PHLPP1: variants seen among roughly 807,000 people sequenced by gnomAD.
PHLPP1 encodes the protein PH domain leucine-rich repeat-containing protein phosphatase 1.
A neutral mutation model predicts 117.2 loss-of-function variants in PHLPP1; 42 were observed. The ratio of observed to expected loss-of-function variants is 0.36; its 90% confidence interval spans 0.28 to 0.46. The LOEUF (loss-of-function observed/expected upper bound fraction) is 0.46, where lower values mean the gene tolerates loss of function less well. Ranked by LOEUF, PHLPP1 falls within the 20% of genes least tolerant of loss-of-function variation. The pLI is 1.00. For missense variants in PHLPP1, 2,084 were observed against 2,241.9 expected (o/e 0.93, Z 1.42); for synonymous variants, 1,042 against 970.7 (o/e 1.07, Z -1.37).
At chr18:62,889,141 T>C (rs1185733290) in intron 4 of PHLPP1, among the ~76,000 whole-genome samples, 1 of 152,206 alleles carries the variant, frequency 6.6e-6, no homozygotes, top group East Asian at 1.9e-4. Context: ...GATCAAGAAC[T>C]TAAGTTCTCA....
intron 12 of PHLPP1, among the ~76,000 whole-genome samples, chr18:62,949,528 T>G (rs775764562): frequency 6.6e-5 from 10 of 152,234 alleles, no homozygotes; most frequent in Non-Finnish European, 1.5e-4. Flanking sequence ...ATAGGGAGGT[T>G]ATGTAAGTTA....
Position 62,978,583 on chromosome 18 carries a change from G to A in PHLPP1, c.4306G>A (p.Ala1436Thr), listed in dbSNP as rs745618348. Residue 1436 changes from alanine to threonine, a missense_variant, in exon 17 of 17, where the codon GCC (alanine) becomes ACC (threonine). Ala to Thr is a moderately conservative substitution (Grantham distance 58). Around this residue, in one of 2 missense-constraint regions of PHLPP1, gnomAD observed 1,365 missense variants for 1,605.9 expected, o/e 0.85. Coordinates refer to ENST00000262719, the MANE Select transcript of PHLPP1 (RefSeq NM_194449.4). This position sits in a 1 kb window ranked among gnomAD's most constrained non-coding sequence, Gnocchi z 7.0. Reference sequence around the variant, plus strand: ...CAGCTTCTGCTGCTGCGAGCTCAGCGCCGGTGGGGCTGTGCCACCACCCAG... The same window carrying A: ...CAGCTTCTGCTGCTGCGAGCTCAGCACCGGTGGGGCTGTGCCACCACCCAG... ...EDSFCCCELS[A>T]GGAVPPPSPG... 1.8e-5 allele frequency: 29 copies of A among 1,613,088 alleles called. No homozygotes were observed. Among genetic ancestry groups the A allele is most frequent in the East Asian group, 6.7e-5 (3 of 44,882 alleles).
chr18:62,887,302 G>A (rs975963972), intron 4 of PHLPP1, among the ~76,000 whole-genome samples: 1 of 151,996 alleles, frequency 6.6e-6, no homozygotes, highest in Non-Finnish European at 1.5e-5. Context: ...TATGAGCTTG[G>A]AAAATTAAAG....
rs12957017 is a variant in PHLPP1 at position 62,716,749 on chromosome 18, G to A, written c.1066G>A (p.Ala356Thr). The A allele has an allele frequency of 0.049, 73,897 of 1,517,582 alleles. 2,072 individuals carry two copies. Among genetic ancestry groups the A allele is most frequent in the Non-Finnish European group, 0.057 (65,193 of 1,138,226 alleles). The allele number at this position is 1,517,582 out of a possible 1,614,324, so 94.0% of individuals were successfully genotyped here. A position where few individuals can be genotyped will look rare whatever the true frequency, so the allele number is the denominator to read the frequency against. The stretch of plus-strand genomic sequence containing the variant: ...CGAGAGCTTCAGTCTGAGTCCCAGC[G>A]CCGAGAGCGTGTCTGACCGGTTGGA... ...DTESFSLSPS[A>T]ESVSDRLDPY... Residue 356 changes from alanine to threonine, a missense_variant, in exon 1 of 17, where the codon GCC becomes ACC. By Grantham distance (58) the Ala-to-Thr change is moderately conservative. Transcript: ENST00000262719. This position sits in a 1 kb window ranked among gnomAD's most constrained non-coding sequence, Gnocchi z 5.7.
chr18:62,793,982 A>G (rs537325208), intron 1 of PHLPP1, among the ~76,000 whole-genome samples: 13 of 152,330 alleles, frequency 8.5e-5, no homozygotes, highest in Non-Finnish European at 1.6e-4. Context: ...TGCTATCCAC[A>G]TATATAGTGA....
chr18:62,924,681 A>G (rs77852540), intron 10 of PHLPP1, among the ~76,000 whole-genome samples: 1 of 146,124 alleles, frequency 6.8e-6, no homozygotes, highest in Non-Finnish European at 1.5e-5. Flanking sequence ...AAATTGAAAA[A>G]AAAAAAAAAA....
At chr18:62,880,067 G>A (rs1245430551) in intron 4 of PHLPP1, among the ~76,000 whole-genome samples, 1 of 152,000 alleles carries the variant, frequency 6.6e-6, no homozygotes, top group Non-Finnish European at 1.5e-5. Flanking sequence ...GTTCCTGGAG[G>A]GTGAAAACCA....
intron 1 of PHLPP1, among the ~76,000 whole-genome samples, chr18:62,795,874 T>A (rs1913617383): frequency 6.6e-6 from 1 of 152,244 alleles, no homozygotes. Flanking sequence ...GCTAGTTTGC[T>A]GCTTCGAGTC....
chr18:62,941,052 T>G (rs745986610), intron 10 of PHLPP1, among the ~76,000 whole-genome samples: 6 of 152,218 alleles, frequency 3.9e-5, no homozygotes, highest in Non-Finnish European at 7.3e-5. Flanking sequence ...TTTGTGAGAT[T>G]CATCCTGTTG....
chr18:62,951,327 CA>C (rs1287854799), intron 12 of PHLPP1, among the ~76,000 whole-genome samples: 2 of 152,188 alleles, frequency 1.3e-5, no homozygotes, highest in African/African-American at 4.8e-5. Context: ...CTGGTTTCAG[CA>C]GATCTTTCTA....
At chr18:62,897,926 T>C (rs964207470) in intron 6 of PHLPP1, among the ~76,000 whole-genome samples, 8 of 138,708 alleles carry the variant, frequency 5.8e-5, no homozygotes, top group Non-Finnish European at 1.3e-4. Context: ...ATGGAAATGG[T>C]ACATCAGATT....
intron 14 of PHLPP1, among the ~76,000 whole-genome samples, chr18:62,964,862 A>G (rs187392724): frequency 6.6e-6 from 1 of 152,350 alleles, no homozygotes; most frequent in Non-Finnish European, 1.5e-5. Context: ...AATATCTAAT[A>G]TCTACTCGTG....
At chr18:62,939,752 G>A (rs1322482659) in intron 10 of PHLPP1, among the ~76,000 whole-genome samples, 4 of 151,982 alleles carry the variant, frequency 2.6e-5, no homozygotes, top group African/African-American at 9.7e-5. Context: ...GTGTGTTGAA[G>A]GGGTTGTACA....
intron 15 of PHLPP1, 113 bp downstream of exon 15, chr18:62,972,821 T>C: frequency 2.5e-6 from 2 of 796,584 alleles, no homozygotes; most frequent in Non-Finnish European, 4.0e-6. Flanking sequence ...TTTTTGACTA[T>C]GAGTACCAAG....
intron 14 of PHLPP1, among the ~76,000 whole-genome samples, chr18:62,967,372 A>G (rs2144485986): frequency 6.6e-6 from 1 of 152,320 alleles, no homozygotes; most frequent in South Asian, 2.1e-4. Flanking sequence ...AGCAATGTCT[A>G]AGAGTTCCAG....
Position 62,978,464 on chromosome 18 carries a change from T to G in PHLPP1, c.4187T>G (p.Leu1396Arg). The G allele has an allele frequency of 1.9e-6, 3 of 1,610,110 alleles. No individual in the cohort carries two copies. Among genetic ancestry groups the G allele is most frequent in the Non-Finnish European group, 2.5e-6 (3 of 1,178,228 alleles). ...VEAVRNVPDA[L>R]AAAKKLCTLA... is the part of the protein sequence containing the mutation. ...GCCGTGCGCAACGTGCCCGATGCCC[T>G]GGCTGCTGCCAAGAAGCTGTGTACC... is the stretch of plus-strand genomic sequence containing the variant. The change falls in exon 17 of 17, where the codon CTG becomes CGG. Residue 1396 changes from leucine to arginine, a missense_variant. By Grantham distance (102) the Leu-to-Arg change is moderately radical. This residue lies in a region of PHLPP1 where 1,365 missense variants were observed against 1,605.9 expected (regional missense o/e 0.85). Transcript: ENST00000262719. The surrounding 1 kb of genome is among the most constrained non-coding windows in gnomAD (Gnocchi z 7.0).
rs1286116043 is a variant in PHLPP1 at position 62,747,743 on chromosome 18, C to T, written c.1576+30484C>T. On this transcript the variant is annotated intron_variant, in intron 1 of 16. Coordinates refer to ENST00000262719, the MANE Select transcript of PHLPP1 (RefSeq NM_194449.4). ...CTCTGTTGCCTAAGCTGGTTTTGAA[C>T]TCCTGGGCTCAAGTGATCCTCTCGC... Among the ~76,000 whole-genome samples the T allele has an allele frequency of 2.0e-5, 3 of 152,278 alleles. No individual in the cohort carries two copies. The South Asian group carries it at 6.2e-4, about 32-fold the overall frequency.
At chr18:62,767,418 C>T (rs981779656) in intron 1 of PHLPP1, among the ~76,000 whole-genome samples, 91 of 152,338 alleles carry the variant, frequency 6.0e-4, no homozygotes, top group African/African-American at 2.1e-3. Flanking sequence ...GGAGAATAAA[C>T]CCATTACTGT....
intron 6 of PHLPP1, among the ~76,000 whole-genome samples, chr18:62,899,468 C>T (rs1476473536): frequency 2.6e-5 from 4 of 152,170 alleles, no homozygotes; most frequent in Non-Finnish European, 5.9e-5. Flanking sequence ...TCCATTCTGC[C>T]TACTCTTGGG....
Sources: allele counts gnomAD v4.1 joint callset (sites outside exome capture counted in the v4.1 genomes callset), GRCh38; gene constraint gnomAD v4.1.1; regional missense constraint gnomAD v4.1.1; non-coding constraint Gnocchi (gnomAD v3.1); transcripts MANE v1.5; gene names NCBI Gene and HGNC (gene_info 2026-07-23, HGNC 2026-07-21).